Variants in CATSPER3 observed in about 807,000 individuals in gnomAD.
CATSPER3 encodes the protein cation channel sperm associated 3, also known as cation channel sperm-associated protein 3.
A neutral mutation model predicts 36.6 loss-of-function variants in CATSPER3; 23 were observed. The observed-to-expected ratio is 0.63, with a 90% CI of 0.45 to 0.89. CATSPER3 has a LOEUF of 0.89. Ranked by LOEUF, CATSPER3 falls within the 40% of genes least tolerant of loss-of-function variation. The pLI is 0.00. For synonymous variants in CATSPER3, 172 were observed against 184.1 expected (o/e 0.93, Z 0.53); for missense variants, 474 against 503.9 (o/e 0.94, Z 0.57).
At position 134,977,885 on chromosome 5, in the gene CATSPER3, C is replaced by T. The variant is rs528660608; in HGVS notation, c.252+7793C>T. On this transcript the variant is annotated intron_variant, in intron 2 of 7. Transcript: ENST00000282611. ...ATGGTAGAGGGCAAAGGGGAGCCAG[C>T]ATGTCACATGGTGAGAGAGAGAGCA... Among the ~76,000 whole-genome samples, 5 of 152,250 alleles carry T rather than the reference C, an allele frequency of 3.3e-5. No individual in the cohort carries two copies. The East Asian group carries it at 9.6e-4, about 29-fold the overall frequency.
At chr5:134,978,400 AT>A (rs995670500) in intron 2 of CATSPER3, among the ~76,000 whole-genome samples, 17 of 152,228 alleles carry the variant, frequency 1.1e-4, no homozygotes, top group African/African-American at 4.1e-4. Flanking sequence ...GTCTTGAAAT[AT>A]CATACTGTAC....
chr5:135,006,193 C>T (rs942756141), intron 3 of CATSPER3, among the ~76,000 whole-genome samples: 1 of 152,182 alleles, frequency 6.6e-6, no homozygotes, highest in Non-Finnish European at 1.5e-5. Flanking sequence ...AGAGGGCCTG[C>T]GTGGATTGTG....
In CATSPER3 at chr5:134,983,446, A is replaced by T. The variant is rs192454333; in HGVS notation, c.253-12827A>T. ...GCTACCCAGGAGGCTAAGGCATGAG[A>T]ATTGCTAGAACTCGGTGGCGGAGGT... On this transcript the variant is annotated intron_variant, in intron 2 of 7. Transcript: ENST00000282611. 2.4e-3 allele frequency among the ~76,000 whole-genome samples: 364 copies of T among 152,252 alleles called. 1 individual carries two copies. The highest frequency in any genetic ancestry group is 7.5e-3 in the African/African-American group (313 of 41,546).
chr5:134,997,745 A>G (rs1172738413), intron 3 of CATSPER3, among the ~76,000 whole-genome samples: 1 of 151,314 alleles, frequency 6.6e-6, no homozygotes, highest in South Asian at 2.1e-4. Context: ...GATCTTTTCC[A>G]CTTTCCAGGA....
chr5:135,002,173 C>T (rs1752028194), intron 3 of CATSPER3, among the ~76,000 whole-genome samples: 1 of 152,176 alleles, frequency 6.6e-6, no homozygotes, highest in African/African-American at 2.4e-5. Flanking sequence ...GACAAAATCT[C>T]TCAGCATTTG....
intron 2 of CATSPER3, 146 bp downstream of exon 2, chr5:134,970,238 C>T: frequency 2.7e-6 from 2 of 753,260 alleles, no homozygotes; most frequent in Non-Finnish European, 4.5e-6. Flanking sequence ...TCACTGCAAC[C>T]TCCATCTCCA....
In CATSPER3 at chr5:135,011,516, T is replaced by C; in HGVS notation, c.1095-5T>C. The C allele has an allele frequency of 6.2e-7, 1 of 1,611,508 alleles. No homozygotes were observed. Among genetic ancestry groups the C allele is most frequent in the Non-Finnish European group, 8.5e-7 (1 of 1,177,952 alleles). On this transcript the variant is annotated splice_region_variant and splice_polypyrimidine_tract_variant and intron_variant, in intron 7 of 7. Transcript: ENST00000282611. ...GATCTTATCTCCTCCTGCTCCATTT[T>C]TCAGGCTTCAAGAGCTGTACTATGA...
At chr5:134,974,118 G>A (rs762737925) in intron 2 of CATSPER3, among the ~76,000 whole-genome samples, 23 of 152,130 alleles carry the variant, frequency 1.5e-4, no homozygotes, top group East Asian at 1.9e-4. Context: ...ATTATGTGCC[G>A]TCTATAAAAG....
chr5:134,991,108 A>T (rs940418841), intron 2 of CATSPER3, among the ~76,000 whole-genome samples: 1 of 152,228 alleles, frequency 6.6e-6, no homozygotes, highest in Non-Finnish European at 1.5e-5. Flanking sequence ...GAGTACTGAA[A>T]ACTATAAAAC....
chr5:134,999,958 G>A (rs559261546), intron 3 of CATSPER3, among the ~76,000 whole-genome samples: 1 of 152,296 alleles, frequency 6.6e-6, no homozygotes, highest in East Asian at 1.9e-4. Flanking sequence ...GAATAGGAGT[G>A]GTGAGAGAGG....
chr5:134,968,124 A>T (rs957083768), intron 1 of CATSPER3, 35 bp downstream of exon 1: 4 of 1,434,784 alleles, frequency 2.8e-6, no homozygotes, highest in African/African-American at 1.4e-5. Flanking sequence ...CTGTTAAGAA[A>T]TGTGCTAGTA....
rs548229425 is a variant in CATSPER3, at chr5:134,998,880, C to T, written c.492+2368C>T. Reference sequence around the variant, plus strand: ...TCTGTAGGTTGCCTGTTCACTCTGACGGTGGTTTCTTTTGCTGTGCAGAAG... The same window carrying T: ...TCTGTAGGTTGCCTGTTCACTCTGATGGTGGTTTCTTTTGCTGTGCAGAAG... On this transcript the variant is annotated intron_variant, in intron 3 of 7. Coordinates refer to ENST00000282611, the MANE Select transcript of CATSPER3 (RefSeq NM_178019.3). Among the ~76,000 whole-genome samples the T allele has an allele frequency of 1.6e-4, 24 of 152,158 alleles. No homozygotes were observed. The East Asian group carries it at 1.7e-3, about 11-fold the overall frequency.
chr5:135,008,916 T>A lies in CATSPER3; in HGVS notation c.751T>A (p.Phe251Ile). 6.2e-7 allele frequency: 1 copy of A among 1,614,010 alleles called. No homozygotes were observed. The highest frequency in any genetic ancestry group is 8.5e-7 in the Non-Finnish European group (1 of 1,179,932). ...FALSRAFTII[F>I]ILLASFIFLN... The stretch of plus-strand genomic sequence containing the variant: ...TTTGAGCCGGGCATTCACCATCATC[T>A]TCATCTTGCTCGCCTCTTTCATCTT... Residue 251 changes from phenylalanine (F) to isoleucine (I), a missense_variant, in exon 5 of 8, where the codon TTC (phenylalanine) becomes ATC (isoleucine). Physicochemically the swap from Phe to Ile is conservative, Grantham distance 21 (BLOSUM62 0). Coordinates refer to ENST00000282611, the MANE Select transcript of CATSPER3 (RefSeq NM_178019.3).
At chr5:134,993,906 C>T (rs1241795794) in intron 2 of CATSPER3, among the ~76,000 whole-genome samples, 5 of 152,160 alleles carry the variant, frequency 3.3e-5, no homozygotes, top group African/African-American at 7.2e-5. Context: ...GGGCAGATCA[C>T]GTGAGATCAG....
rs1418686580 is a variant in CATSPER3, at chr5:134,996,454, C to G, written c.434C>G (p.Ala145Gly). Residue 145 changes from alanine to glycine, a missense_variant, in exon 3 of 8, where the codon GCT becomes GGT. Transcript: ENST00000282611. ...MGKQFTYLYI[A>G]DGMQSLRILK... ...AAACAGTTCACTTACCTGTATATCG[C>G]TGATGGCATGCAGTCCCTGCGCATC... The G allele has an allele frequency of 1.2e-6, 2 of 1,614,162 alleles. No homozygotes were observed. Among genetic ancestry groups the G allele is most frequent in the African/African-American group, 2.7e-5 (2 of 75,082 alleles).
chr5:134,979,973 C>T (rs1751730570), intron 2 of CATSPER3, among the ~76,000 whole-genome samples: 1 of 135,942 alleles, frequency 7.4e-6, no homozygotes, highest in Non-Finnish European at 1.6e-5. Flanking sequence ...CCTTTCCTAC[C>T]CTTCCCTCCT....
intron 3 of CATSPER3, among the ~76,000 whole-genome samples, chr5:134,998,427 A>G (rs193052735): frequency 0.18 from 26,872 of 151,932 alleles, 3,046 homozygotes; most frequent in Middle Eastern, 0.38. Flanking sequence ...TCCTTTGGGT[A>G]TATACCCAGT....
intron 3 of CATSPER3, among the ~76,000 whole-genome samples, chr5:134,999,516 C>T (rs942930540): frequency 2.6e-4 from 40 of 152,140 alleles, no homozygotes; most frequent in African/African-American, 7.5e-4. Context: ...GCCATTTTCA[C>T]GATATTGATT....
chr5:135,011,570 G>A lies in CATSPER3; in HGVS notation c.1144G>A (p.Glu382Lys), dbSNP rs760167266. The change falls in exon 8 of 8, where the codon GAA becomes AAA. Residue 382 changes from glutamate to lysine, a missense_variant. Transcript: ENST00000282611. ...EIVHVLSLML[E>K]DLPQEKPQSL... ...CGTGCATGTGCTGAGCCTAATGCTG[G>A]AAGACTTGCCCCAGGAGAAGCCCCA... is the stretch of plus-strand genomic sequence containing the variant. 6 of 1,614,162 alleles carry A rather than the reference G, an allele frequency of 3.7e-6. No individual in the cohort carries two copies. The East Asian group carries it at 1.3e-4, about 36-fold the overall frequency.
Sources: gnomAD v4.1 joint callset for allele counts (sites outside exome capture counted in the v4.1 genomes callset) on GRCh38, gnomAD v4.1.1 for gene constraint, MANE v1.5 for transcripts, NCBI Gene and HGNC (gene_info 2026-07-23, HGNC 2026-07-21) for gene names.